The following ZNF274 variants were observed in gnomAD, a reference collection of about 807,000 sequenced individuals.
The protein encoded by ZNF274 is neurotrophin receptor-interacting factor homolog.
ZNF274 carries 23 observed loss-of-function variants against 42.5 expected under a neutral mutation model. The ratio of observed to expected loss-of-function variants is 0.54; its 90% CI spans 0.39 to 0.77. The LOEUF (loss-of-function observed/expected upper bound fraction) is 0.77. Among genes scored for constraint, ZNF274 ranks in the 30% least tolerant of loss-of-function variants. The pLI is 0.00. For missense variants in ZNF274, 679 were observed against 806.5 expected, an observed-to-expected ratio of 0.84 and a Z score of 1.91; for synonymous variants, 292 against 305.4, an observed-to-expected ratio of 0.96 and a Z score of 0.46.
intron 2 of ZNF274, 116 bp downstream of exon 2, chr19:58,184,114 G>T (rs976569027): frequency 1.6e-5 from 20 of 1,235,902 alleles, no homozygotes; most frequent in Admixed American, 1.6e-4. Context: ...CCTCGGGGAG[G>T]GGGTAGAGAT....
Position 58,211,791 on chromosome 19 carries a change from A to G in ZNF274, c.979+105A>G, listed in dbSNP as rs1208329938. The stretch of plus-strand genomic sequence containing the variant: ...AGACTCCACACTGGGCATTCCCTCA[A>G]GGGGCCCTTGCTGCATCCAGGGCCT... On this transcript the variant is annotated intron_variant, in intron 7 of 7. Coordinates refer to ENST00000617501, the MANE Select transcript of ZNF274 (RefSeq NM_133502.3). The surrounding 1 kb of genome is among the most constrained non-coding windows in gnomAD (Gnocchi z 4.8). The G allele has an allele frequency of 1.4e-5, 21 of 1,457,104 alleles. No homozygotes were observed. The highest frequency in any genetic ancestry group is 1.9e-5 in the Non-Finnish European group (21 of 1,093,230). 90.3% of individuals were successfully genotyped at this position (1,457,104 alleles called of 1,614,324 possible). A position where few individuals can be genotyped will look rare whatever the true frequency, so the allele number is the denominator to read the frequency against.
rs2075825469 is a variant in ZNF274, at chr19:58,195,078, G to C, written c.256+8036G>C. On this transcript the variant is annotated intron_variant, in intron 4 of 7. Transcript: ENST00000617501. ...CTGGGCATGCTGGTGTGCACCTGTA[G>C]TCCCAGCTACTCGGGAGGCTGAGGC... Among the ~76,000 whole-genome samples, 4 of 151,714 alleles carry C rather than the reference G, an allele frequency of 2.6e-5. No individual in the cohort carries two copies. The South Asian group carries it at 8.3e-4, about 32-fold the overall frequency.
chr19:58,200,990 C>T (rs1227938633), intron 4 of ZNF274, among the ~76,000 whole-genome samples: 2 of 151,364 alleles, frequency 1.3e-5, no homozygotes, highest in African/African-American at 4.9e-5. Context: ...GAAGGTGCCG[C>T]ATACTGTTGT....
At position 58,211,802 on chromosome 19, in the gene ZNF274, C is replaced by G; in HGVS notation, c.979+116C>G. The G allele has an allele frequency of 7.1e-7, 1 of 1,404,554 alleles. No homozygotes were observed. The highest frequency in any genetic ancestry group is 9.5e-7 in the Non-Finnish European group (1 of 1,052,974). The allele number at this position is 1,404,554 out of a possible 1,614,324, so 87.0% of individuals were successfully genotyped here. A position where few individuals can be genotyped will look rare whatever the true frequency, so the allele number is the denominator to read the frequency against. On this transcript the variant is annotated intron_variant, in intron 7 of 7. Coordinates refer to ENST00000617501, the MANE Select transcript of ZNF274 (RefSeq NM_133502.3). The surrounding 1 kb of genome is among the most constrained non-coding windows in gnomAD (Gnocchi z 4.8). Reference sequence around the variant, plus strand: ...TGGGCATTCCCTCAAGGGGCCCTTGCTGCATCCAGGGCCTGTAAGTGGAAC... The same window carrying G: ...TGGGCATTCCCTCAAGGGGCCCTTGGTGCATCCAGGGCCTGTAAGTGGAAC...
At chr19:58,202,447 C>G (rs1036763434) in intron 4 of ZNF274, 5 of 152,252 alleles carry the variant, frequency 3.3e-5, no homozygotes, top group Admixed American at 3.3e-4. Flanking sequence ...GTTAATCTCT[C>G]TTGATTAAAC....
In ZNF274 at chr19:58,213,068, C is replaced by T. The variant is rs1227916540; in HGVS notation, c.1887C>T (p.Thr629=). The stretch of plus-strand genomic sequence containing the variant: ...GCAACAAATGTGGAAAGGCCTTCAC[C>T]CAGAGCTCACACCTTATTGGGCACC... ...YACNKCGKAF[T]QSSHLIGHQR... is the part of the protein sequence containing the mutation. The change falls in exon 8 of 8, where the codon ACC becomes ACT. Residue 629 remains threonine, a synonymous_variant. Coordinates refer to ENST00000617501, the MANE Select transcript of ZNF274 (RefSeq NM_133502.3). The T allele has an allele frequency of 4.3e-6, 7 of 1,613,924 alleles. No individual in the cohort carries two copies. The highest frequency in any genetic ancestry group is 4.2e-6 in the Non-Finnish European group (5 of 1,179,956).
chr19:58,205,238 C>G (rs2075967977), intron 4 of ZNF274, among the ~76,000 whole-genome samples: 2 of 152,214 alleles, frequency 1.3e-5, no homozygotes, highest in South Asian at 4.1e-4. Context: ...TTTATATTCA[C>G]AACAGCAAGG....
At chr19:58,201,052 G>A (rs903397444) in intron 4 of ZNF274, among the ~76,000 whole-genome samples, 4 of 151,750 alleles carry the variant, frequency 2.6e-5, no homozygotes, top group Non-Finnish European at 4.4e-5. Flanking sequence ...TCACCTAGGC[G>A]GTAGTACAGT....
Position 58,212,093 on chromosome 19 carries a change from T to C in ZNF274, c.980-68T>C. 1.4e-5 allele frequency: 21 copies of C among 1,505,102 alleles called. No homozygotes were observed. The highest frequency in any genetic ancestry group is 1.9e-5 in the Non-Finnish European group (21 of 1,134,666). The allele number at this position is 1,505,102 out of a possible 1,614,324, so 93.2% of individuals were successfully genotyped here. ...CTGACTTTTGAACTTAATTATGCATTTCATGCTCTCAGACCCATCCCAGCA... is the reference window on the plus strand; with the variant it reads ...CTGACTTTTGAACTTAATTATGCATCTCATGCTCTCAGACCCATCCCAGCA... On this transcript the variant is annotated intron_variant, in intron 7 of 7. Coordinates refer to ENST00000617501, the MANE Select transcript of ZNF274 (RefSeq NM_133502.3). The surrounding 1 kb of genome is among the most constrained non-coding windows in gnomAD (Gnocchi z 4.6).
chr19:58,188,658 A>ATG (rs200982136), intron 4 of ZNF274, among the ~76,000 whole-genome samples: 41,840 of 102,434 alleles, frequency 0.41, 9,450 homozygotes, highest in Admixed American at 0.44. Context: ...TAAAAAATAG[A>ATG]TGTGTGTGTG....
intron 4 of ZNF274, among the ~76,000 whole-genome samples, chr19:58,202,998 A>G (rs2075932290): frequency 6.6e-6 from 1 of 152,218 alleles, no homozygotes; most frequent in African/African-American, 2.4e-5. Flanking sequence ...GGGGTGGAGT[A>G]GAAGAATCCA....
At chr19:58,193,902 GGCAACACA>G (rs1382202619) in intron 4 of ZNF274, among the ~76,000 whole-genome samples, 7 of 151,644 alleles carry the variant, frequency 4.6e-5, no homozygotes, top group Non-Finnish European at 1.0e-4. Flanking sequence ...CTTCAGCCTG[GGCAACACA>G]GCAAGAAACG....
chr19:58,185,989 A>AT, intron 3 of ZNF274, 151 bp downstream of exon 3: 1 of 558,974 alleles, frequency 1.8e-6, no homozygotes, highest in East Asian at 3.5e-5. Context: ...TGCCTAGTCC[A>AT]TCCCTCCCTG....
In ZNF274 at chr19:58,207,659, G is replaced by C. The variant is rs920015660; in HGVS notation, c.739+457G>C. Among the ~76,000 whole-genome samples the C allele has an allele frequency of 6.6e-6, 1 of 152,152 alleles. No homozygotes were observed. Among genetic ancestry groups the C allele is most frequent in the South Asian group, 2.1e-4 (1 of 4,830 alleles). On this transcript the variant is annotated intron_variant, in intron 5 of 7. Transcript: ENST00000617501. This position sits in a 1 kb window ranked among gnomAD's most constrained non-coding sequence, Gnocchi z 5.6. ...TGGAGTGGAACTTGGCCAGGGTAAA[G>C]AAAGGGGGCAGGAAAGATGTGCCAT...
chr19:58,207,269 A>G lies in ZNF274; in HGVS notation c.739+67A>G, dbSNP rs1023208540. The G allele has an allele frequency of 9.3e-6, 14 of 1,512,432 alleles. No individual in the cohort carries two copies. Among genetic ancestry groups the G allele is most frequent in the Non-Finnish European group, 1.2e-5 (13 of 1,129,978 alleles). The allele number at this position is 1,512,432 out of a possible 1,614,324, so 93.7% of individuals were successfully genotyped here. A position where few individuals can be genotyped will look rare whatever the true frequency, so the allele number is the denominator to read the frequency against. On this transcript the variant is annotated intron_variant, in intron 5 of 7. Transcript: ENST00000617501. The surrounding 1 kb of genome is among the most constrained non-coding windows in gnomAD (Gnocchi z 5.6). ...TCTTGGAGTACCCTGTGGGGGAGAT[A>G]AGAACTCCAGGCTTCCTAGGAAGGT...
rs1020828066 is a variant in ZNF274, at chr19:58,211,499, T to G, written c.853-61T>G. 4 of 1,555,032 alleles carry G rather than the reference T, an allele frequency of 2.6e-6. No individual in the cohort carries two copies. The Admixed American group carries it at 7.3e-5, about 28-fold the overall frequency. On this transcript the variant is annotated intron_variant, in intron 6 of 7. Transcript: ENST00000617501. The surrounding 1 kb of genome is among the most constrained non-coding windows in gnomAD (Gnocchi z 4.8). ...AGAACCTCCCAGCTGGCCTTTCTTC[T>G]GCCCTCATTGACAACCCTCTGACCC...
chr19:58,206,827 G>C lies in ZNF274; in HGVS notation c.364G>C (p.Gly122Arg). ...CCTCACACTGAACCAGGAGGTGGCT[G>C]GTCCCCGGAATGCCCAGATCCAGGC... ...EVLTLNQEVA[G>R]PRNAQIQALY... The change falls in exon 5 of 8, where the codon GGT becomes CGT. Residue 122 changes from glycine (G) to arginine (R), a missense_variant. Physicochemically the swap from Gly to Arg is moderately radical, Grantham distance 125. Around this residue, in one of 2 missense-constraint regions of ZNF274, gnomAD observed 223 missense variants for 216.4 expected, o/e 1.03. Coordinates refer to ENST00000617501, the MANE Select transcript of ZNF274 (RefSeq NM_133502.3). 1 of 1,613,948 alleles carries C rather than the reference G, an allele frequency of 6.2e-7. No homozygotes were observed. The highest frequency in any genetic ancestry group is 2.2e-5 in the East Asian group (1 of 44,884).
Position 58,183,903 on chromosome 19 carries a change from C to G in ZNF274, c.-45-18C>G, listed in dbSNP as rs895274933. ...CACCTTAAGCCTCTCCCTCCCCTCC[C>G]AACTTCGGTTTCCTCAGGACTCTGC... On this transcript the variant is annotated intron_variant, in intron 1 of 7. Coordinates refer to ENST00000617501, the MANE Select transcript of ZNF274 (RefSeq NM_133502.3). The G allele has an allele frequency of 3.9e-6, 6 of 1,543,896 alleles. No individual in the cohort carries two copies. Among genetic ancestry groups the G allele is most frequent in the Non-Finnish European group, 5.3e-6 (6 of 1,138,346 alleles).
intron 4 of ZNF274, among the ~76,000 whole-genome samples, chr19:58,188,613 A>C (rs2075729530): frequency 1.5e-5 from 1 of 68,484 alleles, no homozygotes; most frequent in Non-Finnish European, 2.6e-5. Flanking sequence ...CTCAAAAAAA[A>C]AAAAAAAATA....
Sources: gnomAD v4.1 joint callset for allele counts (sites outside exome capture counted in the v4.1 genomes callset) on GRCh38, gnomAD v4.1.1 for gene constraint, gnomAD v4.1.1 regional missense constraint, Gnocchi (gnomAD v3.1) non-coding constraint, MANE v1.5 for transcripts, NCBI Gene and HGNC (gene_info 2026-07-23, HGNC 2026-07-21) for gene names.